RIMS3: variants seen among roughly 807,000 people sequenced by gnomAD.
The protein encoded by RIMS3 is regulating synaptic membrane exocytosis 3, also known as regulating synaptic membrane exocytosis protein 3.
RIMS3 carries 15 observed loss-of-function variants against 29.2 expected under a neutral mutation model. That is an observed-to-expected ratio of 0.51 (90% CI 0.34 to 0.79). RIMS3 has a LOEUF of 0.79. Ranked by LOEUF, RIMS3 falls within the 30% of genes least tolerant of loss-of-function variation. RIMS3 has a pLI of 0.01. For missense variants in RIMS3, 342 were observed against 421.4 expected, an observed-to-expected ratio of 0.81 and a Z score of 1.65; for synonymous variants, 161 against 170.1, an observed-to-expected ratio of 0.95 and a Z score of 0.41.
chr1:40,631,731 G>A (rs994458718), intron 5 of RIMS3, among the ~76,000 whole-genome samples: 1 of 151,914 alleles, frequency 6.6e-6, no homozygotes, highest in African/African-American at 2.4e-5. Flanking sequence ...TGTAATCCCG[G>A]TACTTTGGGA....
the RIMS3 span, among the ~76,000 whole-genome samples, chr1:40,685,168 G>A: frequency 6.6e-6 from 1 of 151,560 alleles, no homozygotes; most frequent in Non-Finnish European, 1.5e-5. Flanking sequence ...TACAGAAGAT[G>A]TGCTATGGTA....
At chr1:40,647,536 G>A (rs2148353698) in intron 2 of RIMS3, 132 bp downstream of exon 2, 1 of 152,332 alleles carries the variant, frequency 6.6e-6, no homozygotes, top group East Asian at 1.9e-4. Context: ...ATGGGGGAAA[G>A]ACGCACCAGG....
At chr1:40,678,562 C>A in the RIMS3 span, among the ~76,000 whole-genome samples, 1 of 152,232 alleles carries the variant, frequency 6.6e-6, no homozygotes, top group Non-Finnish European at 1.5e-5. Context: ...CATTCCAGAG[C>A]CCATCCCTCT....
chr1:40,637,772 T>A (rs1465613198), intron 3 of RIMS3, among the ~76,000 whole-genome samples: 1 of 152,142 alleles, frequency 6.6e-6, no homozygotes, highest in Non-Finnish European at 1.5e-5. Context: ...TTCAATCACA[T>A]ATGTTGATGA....
intron 1 of RIMS3, among the ~76,000 whole-genome samples, chr1:40,648,848 C>T (rs1646612099): frequency 6.6e-6 from 1 of 152,184 alleles, no homozygotes. Flanking sequence ...CAGCTCCTGA[C>T]CCCTTGCTGG....
At chr1:40,673,457 G>C in the RIMS3 span, 1 of 152,126 alleles carries the variant, frequency 6.6e-6, no homozygotes, top group East Asian at 1.9e-4. Context: ...TCTCCGCCAG[G>C]GCTAGGAATA....
At chr1:40,629,239 C>T (rs1308469154) in intron 6 of RIMS3, 32 bp downstream of exon 6, 1 of 1,568,538 alleles carries the variant, frequency 6.4e-7, no homozygotes, top group Admixed American at 1.7e-5. Context: ...TATGCCCCTC[C>T]CTGTCAGGAC....
At chr1:40,643,533 G>C (rs1481038007) in intron 2 of RIMS3, among the ~76,000 whole-genome samples, 2 of 146,212 alleles carry the variant, frequency 1.4e-5, no homozygotes, top group African/African-American at 5.1e-5. Context: ...CTGGAGTGCA[G>C]TGGCACGATC....
At chr1:40,666,635 A>G (rs532428655), upstream of RIMS3, among the ~76,000 whole-genome samples, 23 of 152,310 alleles carry the variant, frequency 1.5e-4, no homozygotes, top group Admixed American at 1.4e-3. Flanking sequence ...CTTGGGCTCC[A>G]GTGTTTTGAA....
At chr1:40,629,526 A>C (rs1646476497) in intron 5 of RIMS3, among the ~76,000 whole-genome samples, 154 bp from the exon 6 acceptor site, 1 of 152,168 alleles carries the variant, frequency 6.6e-6, no homozygotes, top group Non-Finnish European at 1.5e-5. Flanking sequence ...TGCTCTCGGA[A>C]GACCACTTTA....
chr1:40,640,254 TC>T (rs1322587049), intron 3 of RIMS3, among the ~76,000 whole-genome samples: 1 of 151,968 alleles, frequency 6.6e-6, no homozygotes, highest in Non-Finnish European at 1.5e-5. Context: ...GATCCCTAAG[TC>T]CCCATCTCCC....
At chr1:40,674,464 A>AT in the RIMS3 span, among the ~76,000 whole-genome samples, 1 of 152,174 alleles carries the variant, frequency 6.6e-6, no homozygotes, top group Admixed American at 6.5e-5. Flanking sequence ...ACCATTTAAT[A>AT]TATTAGCTGC....
chr1:40,683,947 G>C, the RIMS3 span, among the ~76,000 whole-genome samples: 1 of 152,122 alleles, frequency 6.6e-6, no homozygotes, highest in Admixed American at 6.5e-5. Flanking sequence ...CTACCCTCCA[G>C]CATACCTTCA....
At chr1:40,666,730 T>A (rs566005574), upstream of RIMS3, among the ~76,000 whole-genome samples, 4 of 152,244 alleles carry the variant, frequency 2.6e-5, no homozygotes, top group East Asian at 7.7e-4. Context: ...AGGGCATGAA[T>A]TAAAATGTAA....
chr1:40,688,331 T>C, the RIMS3 span, among the ~76,000 whole-genome samples: 10 of 152,286 alleles, frequency 6.6e-5, no homozygotes, highest in Admixed American at 6.5e-4. Context: ...GAAGTCCAGC[T>C]GGCTGTCTAG....
At chr1:40,687,501 C>G in the RIMS3 span, 1 of 150,254 alleles carries the variant, frequency 6.7e-6, no homozygotes, top group East Asian at 2.0e-4. Flanking sequence ...ACTCGGTAGG[C>G]TGAGAAAGGA....
chr1:40,684,281 C>A, the RIMS3 span, among the ~76,000 whole-genome samples: 1 of 152,174 alleles, frequency 6.6e-6, no homozygotes, highest in African/African-American at 2.4e-5. Flanking sequence ...ACTCTGTCTC[C>A]CTCTCTGTCT....
Position 40,641,724 on chromosome 1 carries a change from G to T in RIMS3, c.202C>A (p.Gln68Lys). 1 of 1,613,978 alleles carries T rather than the reference G, an allele frequency of 6.2e-7. No individual in the cohort carries two copies. Residue 68 changes from glutamine (Q) to lysine (K), a missense_variant, in exon 3 of 8, where the codon CAG becomes AAG. By Grantham distance (53) the Gln-to-Lys change is moderately conservative. Coordinates refer to ENST00000372684, the MANE Select transcript of RIMS3 (RefSeq NM_014747.3). ...GLTQWSKSTL[Q>K]LPQPEGATKK... ...GCCCCCTCACCAGGCTGCGGAAGCT[G>T]GAGTGTGCTCTTGCTCCACTGAGTC...
At chr1:40,671,135 T>G in the RIMS3 span, among the ~76,000 whole-genome samples, 1 of 152,086 alleles carries the variant, frequency 6.6e-6, no homozygotes. Flanking sequence ...ACTGCTGGAC[T>G]TGCTGTTTTA....
Sources: gnomAD v4.1 joint callset for allele counts (sites outside exome capture counted in the v4.1 genomes callset) on GRCh38, gnomAD v4.1.1 for gene constraint, MANE v1.5 for transcripts, NCBI Gene and HGNC (gene_info 2026-07-23, HGNC 2026-07-21) for gene names.